Variants in CRTC1 observed in about 807,000 individuals in gnomAD.
CRTC1 encodes the protein CREB regulated transcription coactivator 1.
Under a neutral mutation model 66.1 loss-of-function variants are expected in CRTC1, and 18 were observed. The observed-to-expected ratio is 0.27, with a 90% CI of 0.19 to 0.40. The LOEUF is 0.40. CRTC1 is among the 10% of genes least tolerant of loss of function. The pLI is 1.00. For synonymous variants in CRTC1, 416 were observed against 398.8 expected, an observed-to-expected ratio of 1.04 and a Z score of -0.51; for missense variants, 669 against 887.9, an observed-to-expected ratio of 0.75 and a Z score of 3.13.
chr19:18,737,250 G>A (rs989770483), intron 1 of CRTC1, among the ~76,000 whole-genome samples: 5 of 151,718 alleles, frequency 3.3e-5, no homozygotes, highest in Non-Finnish European at 5.9e-5. Context: ...CTCTATAGAG[G>A]GGTCAGGTGG....
At chr19:18,687,100 C>G (rs529444409) in intron 1 of CRTC1, among the ~76,000 whole-genome samples, 1 of 149,154 alleles carries the variant, frequency 6.7e-6, no homozygotes, top group African/African-American at 2.5e-5. Flanking sequence ...ACTGCAACCT[C>G]TGCCTCCCGA....
At chr19:18,717,470 C>T (rs2053533743) in intron 1 of CRTC1, among the ~76,000 whole-genome samples, 2 of 152,090 alleles carry the variant, frequency 1.3e-5, no homozygotes, top group Admixed American at 1.3e-4. Context: ...GCCAGTCCCT[C>T]CCCTCTGGAG....
rs897639097 is a variant in CRTC1, at chr19:18,741,188, C to T, written c.127-1722C>T. ...TGGGAACCATGAGAGTTCTGTGTGT[C>T]CCCAGTCCTGTAGATTGTCCCCGCA... On this transcript the variant is annotated intron_variant, in intron 1 of 13. Transcript: ENST00000321949. This position sits in a 1 kb window ranked among gnomAD's most constrained non-coding sequence, Gnocchi z 4.2. Among the ~76,000 whole-genome samples the T allele has an allele frequency of 6.6e-6, 1 of 152,180 alleles. No individual in the cohort carries two copies. Among genetic ancestry groups the T allele is most frequent in the African/African-American group, 2.4e-5 (1 of 41,430 alleles).
chr19:18,770,700 T>C (rs1187355410), intron 10 of CRTC1, among the ~76,000 whole-genome samples: 1 of 151,998 alleles, frequency 6.6e-6, no homozygotes, highest in African/African-American at 2.4e-5. Context: ...TGTGGATGTG[T>C]GGACATTTGT....
chr19:18,719,556 G>A (rs2053576294), intron 1 of CRTC1, among the ~76,000 whole-genome samples: 1 of 152,260 alleles, frequency 6.6e-6, no homozygotes, highest in South Asian at 2.1e-4. Context: ...TGGGCCCATG[G>A]TAATGAGGGC....
At chr19:18,751,395 G>A (rs986021243) in intron 5 of CRTC1, among the ~76,000 whole-genome samples, 1 of 152,096 alleles carries the variant, frequency 6.6e-6, no homozygotes, top group African/African-American at 2.4e-5. Context: ...GTGTTTGCAC[G>A]TGCCTGTGGT....
rs1020942442 is a variant in CRTC1 at position 18,749,966 on chromosome 19, G to A, written c.538+91G>A. 4.0e-6 allele frequency: 4 copies of A among 993,134 alleles called. No individual in the cohort carries two copies. In the Admixed American group the frequency reaches 7.7e-5, roughly 19 times the overall value. The allele number at this position is 993,134 out of a possible 1,614,324, so 61.5% of individuals were successfully genotyped here. ...CCAGGAGGTCACAAGCTTGTGGGCAGATGGCTCTTCAAAGGAAGACTCAGA... is the reference window on the plus strand; with the variant it reads ...CCAGGAGGTCACAAGCTTGTGGGCAAATGGCTCTTCAAAGGAAGACTCAGA... On this transcript the variant is annotated intron_variant, in intron 5 of 13. Coordinates refer to ENST00000321949, the MANE Select transcript of CRTC1 (RefSeq NM_015321.3).
At chr19:18,764,417 G>T (rs745688918) in intron 8 of CRTC1, among the ~76,000 whole-genome samples, 5 of 152,242 alleles carry the variant, frequency 3.3e-5, no homozygotes, top group Non-Finnish European at 7.3e-5. Context: ...GGCCAGGCTC[G>T]CAGGGGTCCT....
Position 18,781,318 on chromosome 19 carries a change from A to T in CRTC1, c.*3936A>T. On this transcript the variant is annotated 3_prime_UTR_variant, in exon 14 of 14. Coordinates refer to ENST00000321949, the MANE Select transcript of CRTC1 (RefSeq NM_015321.3). The stretch of plus-strand genomic sequence containing the variant: ...GGAGGCCTGCCTGGGCTACATGGAC[A>T]CCTGGGTCTCTTTCTACCCCCATTC... 4.4e-6 allele frequency: 1 copy of T among 228,328 alleles called. No individual in the cohort carries two copies. 14.1% of individuals were successfully genotyped at this position (228,328 alleles called of 1,614,324 possible).
intron 8 of CRTC1, among the ~76,000 whole-genome samples, chr19:18,762,004 G>T (rs976469086): frequency 1.3e-5 from 2 of 152,306 alleles, no homozygotes; most frequent in Admixed American, 6.5e-5. Flanking sequence ...CCTCTTCATT[G>T]TCTCCAGATA....
At chr19:18,763,668 A>G (rs1005034521) in intron 8 of CRTC1, among the ~76,000 whole-genome samples, 1 of 152,244 alleles carries the variant, frequency 6.6e-6, no homozygotes, top group African/African-American at 2.4e-5. Flanking sequence ...TTGAAGAATC[A>G]GACAGCCCAG....
chr19:18,713,203 A>G lies in CRTC1; in HGVS notation c.126+29375A>G, dbSNP rs184706335. Among the ~76,000 whole-genome samples, 379 of 152,342 alleles carry G rather than the reference A, an allele frequency of 2.5e-3. 1 individual carries two copies. The highest frequency in any genetic ancestry group is 4.1e-3 in the Non-Finnish European group (282 of 68,040). On this transcript the variant is annotated intron_variant, in intron 1 of 13. Transcript: ENST00000321949. ...GTGCCTCATTCCTTTCCATGGCTGA[A>G]TAGCATTCTGCTGTATGGATGGAGC... is the stretch of plus-strand genomic sequence containing the variant.
intron 6 of CRTC1, among the ~76,000 whole-genome samples, chr19:18,758,229 G>A (rs557405408): frequency 4.6e-5 from 7 of 150,804 alleles, no homozygotes; most frequent in Admixed American, 2.6e-4. Context: ...GCTTGGTGGC[G>A]GGCACCTGTA....
chr19:18,775,728 A>G lies in CRTC1; in HGVS notation c.1600A>G (p.Met534Val). Residue 534 changes from methionine to valine, a missense_variant, in exon 13 of 14, where the codon ATG (methionine) becomes GTG (valine). Transcript: ENST00000321949. Reference sequence around the variant, plus strand: ...CACACTCAACTACTCGCAGGCGGCCATGATGGGCCTCACGGGCAGCCACGG... The same window carrying G: ...CACACTCAACTACTCGCAGGCGGCCGTGATGGGCCTCACGGGCAGCCACGG... Reference protein sequence around the residue: ...GSTLNYSQAAMMGLTGSHGSL... With the variant: ...GSTLNYSQAAVMGLTGSHGSL... The G allele has an allele frequency of 1.9e-6, 3 of 1,612,708 alleles. No homozygotes were observed. The highest frequency in any genetic ancestry group is 2.2e-5 in the East Asian group (1 of 44,862).
chr19:18,745,731 C>A (rs925190941), intron 2 of CRTC1, 92 bp from the exon 3 acceptor site: 2 of 1,544,248 alleles, frequency 1.3e-6, no homozygotes, highest in Middle Eastern at 2.3e-4. Context: ...GTGGGGGGCC[C>A]TGCGATCAGA....
chr19:18,736,675 G>A (rs2054003241), intron 1 of CRTC1, among the ~76,000 whole-genome samples: 1 of 151,314 alleles, frequency 6.6e-6, no homozygotes, highest in Non-Finnish European at 1.5e-5. Context: ...TGGTCATGGA[G>A]AGTGGAGACT....
chr19:18,774,717 T>A (rs2054943354), intron 11 of CRTC1, among the ~76,000 whole-genome samples, 183 bp from the exon 12 acceptor site: 2 of 152,218 alleles, frequency 1.3e-5, no homozygotes, highest in African/African-American at 4.8e-5. Context: ...CAGGAGCAGG[T>A]GGCAGAAAAA....
At chr19:18,720,645 C>T (rs1480691464) in intron 1 of CRTC1, among the ~76,000 whole-genome samples, 1 of 150,474 alleles carries the variant, frequency 6.6e-6, no homozygotes, top group Non-Finnish European at 1.5e-5. Flanking sequence ...GGATAACAGG[C>T]GTGAGCCACC....
At chr19:18,730,517 G>A (rs551901999) in intron 1 of CRTC1, among the ~76,000 whole-genome samples, 2 of 152,158 alleles carry the variant, frequency 1.3e-5, no homozygotes, top group South Asian at 2.1e-4. Context: ...GGTGTTCGCC[G>A]CTCCTTGTGC....
Sources: allele counts gnomAD v4.1 joint callset (sites outside exome capture counted in the v4.1 genomes callset), GRCh38; gene constraint gnomAD v4.1.1; non-coding constraint Gnocchi (gnomAD v3.1); transcripts MANE v1.5; gene names NCBI Gene and HGNC (gene_info 2026-07-23, HGNC 2026-07-21).